SNX24: variants seen among roughly 807,000 people sequenced by gnomAD.
SNX24 encodes the protein sorting nexin-24.
A neutral mutation model predicts 28.7 loss-of-function variants in SNX24; 22 were observed. The ratio of observed to expected loss-of-function variants is 0.77; its 90% CI spans 0.55 to 1.10. The LOEUF (loss-of-function observed/expected upper bound fraction) is 1.10. Among genes scored for constraint, SNX24 ranks in the 50% least tolerant of loss-of-function variants. The pLI, the probability that SNX24 is intolerant of heterozygous loss-of-function variation, is 0.00. For synonymous variants in SNX24, 69 were observed against 71.5 expected (o/e 0.96, Z 0.18); for missense variants, 221 against 201.1 (o/e 1.10, Z -0.60).
At chr5:122,961,600 G>A (rs1006186230) in intron 3 of SNX24, among the ~76,000 whole-genome samples, 3 of 152,120 alleles carry the variant, frequency 2.0e-5, no homozygotes, top group South Asian at 2.1e-4. Flanking sequence ...TGTAACGGGG[G>A]CAGATTATTT....
chr5:122,867,088 A>G (rs1755754850), intron 1 of SNX24, among the ~76,000 whole-genome samples: 1 of 152,208 alleles, frequency 6.6e-6, no homozygotes, highest in Non-Finnish European at 1.5e-5. Flanking sequence ...GAGAGCATAT[A>G]TAGCCTTGGG....
intron 1 of SNX24, among the ~76,000 whole-genome samples, chr5:122,924,448 G>A (rs1462734021): frequency 6.6e-6 from 1 of 152,090 alleles, no homozygotes; most frequent in Admixed American, 6.5e-5. Context: ...AAAAGGGAGG[G>A]CTCGTGTGCT....
chr5:123,023,947 G>A, intron 5 of SNX24: 1 of 1,614,094 alleles, frequency 6.2e-7, no homozygotes. Context: ...TCGAGCAGTT[G>A]GTGAGTGGAC....
rs372169345 is a variant in SNX24 at position 123,001,901 on chromosome 5, G to A, written c.378-39G>A. 5.5e-4 allele frequency: 861 copies of A among 1,571,212 alleles called. 1 individual carries two copies. Among genetic ancestry groups the A allele is most frequent in the Non-Finnish European group, 7.2e-4 (826 of 1,140,920 alleles). ...TTTGTAGTGTTTTCTGTTTACCATCGTCCCCTGATGCTGACATGCCTGTTC... is the reference window on the plus strand; with the variant it reads ...TTTGTAGTGTTTTCTGTTTACCATCATCCCCTGATGCTGACATGCCTGTTC... On this transcript the variant is annotated intron_variant, in intron 5 of 6. Transcript: ENST00000261369.
exon 6 of SNX24, chr5:123,029,286 A>G (rs1054169133): frequency 3.1e-6 from 5 of 1,614,136 alleles, no homozygotes; most frequent in Non-Finnish European, 4.2e-6. Context: ...AATTTAAAGG[A>G]AATAAAATTG....
At chr5:122,941,906 A>G in intron 2 of SNX24, among the ~76,000 whole-genome samples, 1 of 152,094 alleles carries the variant, frequency 6.6e-6, no homozygotes, top group Non-Finnish European at 1.5e-5. Context: ...CAAAACGAAA[A>G]CAAAACCCCA....
intron 3 of SNX24, among the ~76,000 whole-genome samples, chr5:122,959,662 T>C (rs1017247279): frequency 2.0e-5 from 3 of 152,092 alleles, no homozygotes; most frequent in African/African-American, 7.2e-5. Context: ...CTTAAGGCAT[T>C]GTTTTTGGGT....
rs1581765488 is a variant in SNX24, at chr5:122,933,043, T to G, written c.61-3691T>G. On this transcript the variant is annotated intron_variant, in intron 1 of 6. Transcript: ENST00000261369. ...TTGTTAATTTTACCTTGTTGGGTTC[T>G]AGATATTTTTATAGTCCTAAAAATA... Among the ~76,000 whole-genome samples the G allele has an allele frequency of 2.0e-5, 3 of 152,316 alleles. No homozygotes were observed. In the South Asian group the frequency reaches 6.2e-4, roughly 32 times the overall value.
At chr5:122,901,085 C>T (rs1463146889) in intron 1 of SNX24, among the ~76,000 whole-genome samples, 4 of 151,690 alleles carry the variant, frequency 2.6e-5, no homozygotes, top group Non-Finnish European at 1.5e-5. Context: ...CCTGTAATCC[C>T]AGCTACTCAG....
At chr5:122,968,953 A>G (rs73799922) in intron 3 of SNX24, among the ~76,000 whole-genome samples, 1,843 of 152,224 alleles carry the variant, frequency 0.012, 33 homozygotes, top group African/African-American at 0.042. Flanking sequence ...TATGCTAAAT[A>G]TGTTAAATAT....
intron 5 of SNX24, among the ~76,000 whole-genome samples, chr5:123,020,217 TTA>T (rs1762742747): frequency 6.6e-6 from 1 of 152,264 alleles, no homozygotes; most frequent in African/African-American, 2.4e-5. Context: ...TTCCTCCATG[TTA>T]TCTTTATTTA....
chr5:123,009,174 A>C lies in SNX24; in HGVS notation c.*1425A>C. ...TTAAAATGTTTTTATGTTATTAGCT[A>C]TTTGGAGTTAAATAAAAACAGAACA... On this transcript the variant is annotated 3_prime_UTR_variant, in exon 7 of 7. Coordinates refer to ENST00000261369, the MANE Select transcript of SNX24 (RefSeq NM_014035.4). 2 of 984,084 alleles carry C rather than the reference A, an allele frequency of 2.0e-6. No individual in the cohort carries two copies. Among genetic ancestry groups the C allele is most frequent in the Middle Eastern group, 5.2e-4 (1 of 1,912 alleles). 61.0% of individuals were successfully genotyped at this position (984,084 alleles called of 1,614,324 possible). A position where few individuals can be genotyped will look rare whatever the true frequency, so the allele number is the denominator to read the frequency against.
At chr5:122,958,930 C>T (rs1011380195) in intron 3 of SNX24, among the ~76,000 whole-genome samples, 1 of 151,968 alleles carries the variant, frequency 6.6e-6, no homozygotes, top group African/African-American at 2.4e-5. Context: ...CATCAGTGCT[C>T]GTCAGGAATT....
chr5:122,876,750 A>G (rs1756240734), intron 1 of SNX24, among the ~76,000 whole-genome samples: 1 of 152,196 alleles, frequency 6.6e-6, no homozygotes, highest in African/African-American at 2.4e-5. Context: ...AATGAGATCA[A>G]TGAGGAGTGG....
At chr5:122,975,785 A>G (rs1302297029) in intron 3 of SNX24, among the ~76,000 whole-genome samples, 1 of 152,224 alleles carries the variant, frequency 6.6e-6, no homozygotes, top group African/African-American at 2.4e-5. Flanking sequence ...AAATGAGATA[A>G]GGTATTAACT....
intron 2 of SNX24, among the ~76,000 whole-genome samples, chr5:122,943,671 C>T (rs1453920742): frequency 1.3e-5 from 2 of 152,204 alleles, no homozygotes. Flanking sequence ...AGCCATGTGG[C>T]TCTCTCATCA....
intron 3 of SNX24, among the ~76,000 whole-genome samples, chr5:122,976,009 A>T (rs1042519191): frequency 6.6e-6 from 1 of 152,302 alleles, no homozygotes; most frequent in South Asian, 2.1e-4. Context: ...CAATATAATT[A>T]TTAACATTGC....
At chr5:122,987,809 A>T (rs914230868) in intron 3 of SNX24, among the ~76,000 whole-genome samples, 14 of 152,356 alleles carry the variant, frequency 9.2e-5, no homozygotes, top group African/African-American at 3.4e-4. Flanking sequence ...ATTGGCCCAC[A>T]GAGATAGTGC....
intron 1 of SNX24, among the ~76,000 whole-genome samples, chr5:122,858,582 G>C (rs925267908): frequency 6.6e-6 from 1 of 152,212 alleles, no homozygotes; most frequent in African/African-American, 2.4e-5. Context: ...AATGTTAGCT[G>C]ATGTCGTCAA....
Sources: gnomAD v4.1 joint callset for allele counts (sites outside exome capture counted in the v4.1 genomes callset) on GRCh38, gnomAD v4.1.1 for gene constraint, MANE v1.5 for transcripts, NCBI Gene and HGNC (gene_info 2026-07-23, HGNC 2026-07-21) for gene names.